Variants in C13orf42 observed in about 807,000 individuals in gnomAD.
C13orf42 encodes the protein uncharacterized protein C13orf42.
chr13:51,106,557 C>T (rs529900061), intron 1 of C13orf42, among the ~76,000 whole-genome samples: 69 of 152,288 alleles, frequency 4.5e-4, no homozygotes, highest in African/African-American at 1.3e-3. Context: ...AATCTCTTAA[C>T]GCCCCCAAGC....
At chr13:51,097,385 T>G (rs1566124840) in intron 1 of C13orf42, among the ~76,000 whole-genome samples, 1 of 152,234 alleles carries the variant, frequency 6.6e-6, no homozygotes, top group Non-Finnish European at 1.5e-5. Context: ...ATAGAGCTTC[T>G]ATTGTCCTTT....
At chr13:51,144,442 G>A (rs1278035678) in intron 1 of C13orf42, among the ~76,000 whole-genome samples, 2 of 152,146 alleles carry the variant, frequency 1.3e-5, no homozygotes, top group African/African-American at 4.8e-5. Context: ...CTCCAGAATT[G>A]GAAACTACTT....
Position 51,160,188 on chromosome 13 carries a change from G to A in C13orf42, n.136+12065C>T, listed in dbSNP as rs113167219. On this transcript the variant is annotated intron_variant and non_coding_transcript_variant, in intron 1 of 4. Coordinates refer to the C13orf42 transcript ENST00000433280. Reference sequence around the variant, plus strand: ...CAGTATTGACATTAAGGGTCACACAGTGTGGGGTGACACAATGCCAATGTT... The same window carrying A: ...CAGTATTGACATTAAGGGTCACACAATGTGGGGTGACACAATGCCAATGTT... 7.4e-3 allele frequency among the ~76,000 whole-genome samples: 1,133 copies of A among 152,340 alleles called. 16 individuals carry two copies. The highest frequency in any genetic ancestry group is 0.026 in the African/African-American group (1,080 of 41,580).
intron 1 of C13orf42, among the ~76,000 whole-genome samples, chr13:51,121,874 A>T (rs770628450): frequency 1.3e-5 from 2 of 152,230 alleles, no homozygotes; most frequent in Non-Finnish European, 2.9e-5. Flanking sequence ...TAAATAAATT[A>T]CACTTGTATA....
intron 1 of C13orf42, among the ~76,000 whole-genome samples, chr13:51,166,680 C>A (rs1391762657): frequency 6.6e-6 from 1 of 151,174 alleles, no homozygotes; most frequent in Non-Finnish European, 1.5e-5. Flanking sequence ...AAATAGCATA[C>A]CAACAAATTT....
intron 1 of C13orf42, among the ~76,000 whole-genome samples, chr13:51,169,652 G>GAATCCTGGCTGCCCCC (rs1953930865): frequency 2.9e-5 from 2 of 69,668 alleles, no homozygotes; most frequent in Admixed American, 3.8e-4. Context: ...ATGGTGCCCT[G>GAATCCTGGCTGCCCCC]AATCCTGGCT....
At chr13:51,116,823 T>G (rs1332871426) in intron 1 of C13orf42, among the ~76,000 whole-genome samples, 5 of 152,196 alleles carry the variant, frequency 3.3e-5, no homozygotes, top group African/African-American at 1.2e-4. Flanking sequence ...CAGTGGTGGG[T>G]TGTCTGGGTC....
At chr13:51,126,924 G>A (rs1362587040) in intron 1 of C13orf42, among the ~76,000 whole-genome samples, 1 of 152,190 alleles carries the variant, frequency 6.6e-6, no homozygotes, top group African/African-American at 2.4e-5. Flanking sequence ...CAGCACTCTG[G>A]GATGCCAAGG....
At chr13:51,085,209 A>G (rs1344284274) in intron 3 of C13orf42, 110 bp downstream of exon 3, 4 of 251,140 alleles carry the variant, frequency 1.6e-5, no homozygotes, top group Non-Finnish European at 2.9e-5. Context: ...ATATATATAT[A>G]TGAATAATAT....
upstream of C13orf42, among the ~76,000 whole-genome samples, chr13:51,112,088 G>A (rs1953441638): frequency 1.3e-5 from 2 of 152,178 alleles, no homozygotes. Context: ...TTTCAAGAGG[G>A]CTGTAGGAAT....
chr13:51,122,011 G>A (rs1379629832), intron 1 of C13orf42, among the ~76,000 whole-genome samples: 8 of 152,036 alleles, frequency 5.3e-5, no homozygotes, highest in Non-Finnish European at 1.0e-4. Context: ...TCCCTTTTAC[G>A]TGTCTGTATA....
At chr13:51,144,443 G>C (rs1020065373) in intron 1 of C13orf42, among the ~76,000 whole-genome samples, 1 of 152,198 alleles carries the variant, frequency 6.6e-6, no homozygotes, top group Non-Finnish European at 1.5e-5. Context: ...TCCAGAATTG[G>C]AAACTACTTG....
At position 51,083,278 on chromosome 13, in the gene C13orf42, T is replaced by C. The variant is rs926631442; in HGVS notation, c.*873A>G. The C allele has an allele frequency of 2.0e-5, 3 of 152,260 alleles. No individual in the cohort carries two copies. The highest frequency in any genetic ancestry group is 2.0e-4 in the Admixed American group (3 of 15,288). 9.4% of individuals were successfully genotyped at this position (152,260 alleles called of 1,614,324 possible). ...AAAGAATATATTTTAAATGTAATTC[T>C]GATTCAGATAGTTCCTAAAATACAG... On this transcript the variant is annotated 3_prime_UTR_variant, in exon 4 of 4. Transcript: ENST00000563710.
chr13:51,166,111 A>C (rs1288873604), intron 1 of C13orf42, among the ~76,000 whole-genome samples: 1 of 152,234 alleles, frequency 6.6e-6, no homozygotes, highest in African/African-American at 2.4e-5. Context: ...AACATCAGTT[A>C]TCCAAAGGGA....
In C13orf42 at chr13:51,082,496, A is replaced by G. The variant is rs764001991; in HGVS notation, c.*1655T>C. On this transcript the variant is annotated 3_prime_UTR_variant, in exon 4 of 4. Transcript: ENST00000563710. ...CACCACATAATTTCAGGGTGGATCT[A>G]TGATAAACTGTAGTTTGATAAGAGG... The G allele has an allele frequency of 7.9e-5, 12 of 152,254 alleles. No individual in the cohort carries two copies. The highest frequency in any genetic ancestry group is 1.8e-4 in the Non-Finnish European group (12 of 68,034). The allele number at this position is 152,254 out of a possible 1,614,324, so 9.4% of individuals were successfully genotyped here.
At chr13:51,118,442 C>A (rs1015168440) in intron 1 of C13orf42, among the ~76,000 whole-genome samples, 1 of 152,198 alleles carries the variant, frequency 6.6e-6, no homozygotes, top group African/African-American at 2.4e-5. Flanking sequence ...TGGAAGGACA[C>A]TGATTGCTTT....
At position 51,169,354 on chromosome 13, in the gene C13orf42, G is replaced by C. The variant is rs151240948; in HGVS notation, n.136+2899C>G. Among the ~76,000 whole-genome samples the C allele has an allele frequency of 1.9e-4, 29 of 152,342 alleles. No homozygotes were observed. The East Asian group carries it at 4.6e-3, about 24-fold the overall frequency. The stretch of plus-strand genomic sequence containing the variant: ...CACTTTTGTTATGCAGGAGCAAACA[G>C]ATGATCTGAAACTGGAAGCAGAGTG... On this transcript the variant is annotated intron_variant and non_coding_transcript_variant, in intron 1 of 4. Transcript: ENST00000433280.
At chr13:51,101,986 T>C (rs138796092) in intron 1 of C13orf42, among the ~76,000 whole-genome samples, 1 of 152,304 alleles carries the variant, frequency 6.6e-6, no homozygotes, top group Non-Finnish European at 1.5e-5. Flanking sequence ...GGAATATAAT[T>C]ACACATCTTG....
chr13:51,104,857 C>T (rs1395932002), intron 1 of C13orf42, among the ~76,000 whole-genome samples: 15 of 151,430 alleles, frequency 9.9e-5, no homozygotes, highest in Admixed American at 9.9e-4. Flanking sequence ...CCCAAGGGCT[C>T]GTCATAGCAG....
Sources: allele counts gnomAD v4.1 joint callset (sites outside exome capture counted in the v4.1 genomes callset), GRCh38; gene constraint gnomAD v4.1.1; transcripts MANE v1.5; gene names NCBI Gene and HGNC (gene_info 2026-07-23, HGNC 2026-07-21).